Variants in DDHD1 observed in about 807,000 individuals in gnomAD.
DDHD1 encodes the protein DDHD domain containing 1.
In DDHD1, 49 loss-of-function variants were observed where a neutral mutation model predicts 96.4. The ratio of observed to expected loss-of-function variants is 0.51; its 90% CI spans 0.40 to 0.64. The LOEUF (loss-of-function observed/expected upper bound fraction) is 0.64, where lower values mean the gene tolerates loss of function less well. Ranked by LOEUF, DDHD1 falls within the 30% of genes least tolerant of loss-of-function variation. The pLI is 0.00. For synonymous variants in DDHD1, 442 were observed against 446.5 expected (o/e 0.99, Z 0.13); for missense variants, 1,106 against 1,161.2 (o/e 0.95, Z 0.69).
chr14:53,092,063 A>C (rs1162186428), intron 3 of DDHD1, 131 bp from the exon 4 acceptor site: 1 of 816,470 alleles, frequency 1.2e-6, no homozygotes, highest in African/African-American at 1.7e-5. Context: ...GGAGGAAATA[A>C]AAACTGTAAG....
chr14:53,137,126 A>G (rs150304455), intron 1 of DDHD1, among the ~76,000 whole-genome samples: 38 of 152,324 alleles, frequency 2.5e-4, no homozygotes, highest in African/African-American at 8.9e-4. Context: ...TGAAAAATAC[A>G]ATATAAAAAA....
chr14:53,066,958 C>CAA (rs34195210), intron 6 of DDHD1, among the ~76,000 whole-genome samples: 97,228 of 134,236 alleles, frequency 0.72, 37,275 homozygotes, highest in East Asian at 0.95. Flanking sequence ...GAACCTGTCT[C>CAA]AAAAAAAAAA....
chr14:53,153,320 C>T lies in DDHD1; in HGVS notation c.-222G>A, dbSNP rs916950097. ...CCATTGTCACGCAGCCCGACGTAGG[C>T]GGTGCTTCGGCCCCCGCCCCGCCCC... is the stretch of plus-strand genomic sequence containing the variant. On this transcript the variant is annotated 5_prime_UTR_variant, in exon 1 of 13. Coordinates refer to ENST00000673822, the MANE Select transcript of DDHD1 (RefSeq NM_001160148.2). 8 of 369,952 alleles carry T rather than the reference C, an allele frequency of 2.2e-5. No individual in the cohort carries two copies. The highest frequency in any genetic ancestry group is 3.8e-5 in the Non-Finnish European group (8 of 213,176). 22.9% of individuals were successfully genotyped at this position (369,952 alleles called of 1,614,324 possible). A position where few individuals can be genotyped will look rare whatever the true frequency, so the allele number is the denominator to read the frequency against.
intron 4 of DDHD1, among the ~76,000 whole-genome samples, chr14:53,091,150 C>A (rs548667977): frequency 6.6e-6 from 1 of 152,258 alleles, no homozygotes; most frequent in Admixed American, 6.5e-5. Context: ...AGCTCAGAGC[C>A]AAATTTGTGG....
rs1009476009 is a variant in DDHD1, at chr14:53,046,654, G to T, written c.*114C>A. 9 of 605,588 alleles carry T rather than the reference G, an allele frequency of 1.5e-5. No individual in the cohort carries two copies. In the Admixed American group the frequency reaches 2.1e-4, roughly 14 times the overall value. 37.5% of individuals were successfully genotyped at this position (605,588 alleles called of 1,614,324 possible). Reference sequence around the variant, plus strand: ...GTGCTTTTAAATTCAAATATATGTTGCCCTAAAGAAAACTGAAATATACTT... The same window carrying T: ...GTGCTTTTAAATTCAAATATATGTTTCCCTAAAGAAAACTGAAATATACTT... On this transcript the variant is annotated 3_prime_UTR_variant, in exon 13 of 13. Transcript: ENST00000673822.
intron 1 of DDHD1, among the ~76,000 whole-genome samples, chr14:53,118,513 A>G (rs1259858018): frequency 6.6e-6 from 1 of 152,232 alleles, no homozygotes; most frequent in Non-Finnish European, 1.5e-5. Flanking sequence ...TTCGGGACCC[A>G]TGCATAAGCT....
At chr14:53,147,123 C>T (rs1037904817) in intron 1 of DDHD1, among the ~76,000 whole-genome samples, 4 of 152,134 alleles carry the variant, frequency 2.6e-5, no homozygotes, top group African/African-American at 9.7e-5. Flanking sequence ...GTTCTCCTCC[C>T]TGACATACAC....
rs1462235331 is a variant in DDHD1, at chr14:53,152,341, T to G, written c.758A>C (p.Asn253Thr). 9 of 1,613,980 alleles carry G rather than the reference T, an allele frequency of 5.6e-6. No homozygotes were observed. The highest frequency in any genetic ancestry group is 1.1e-5 in the South Asian group (1 of 91,082). ...GCCCCGCACGCACACAGGCTCGATGTTCACAAGCTCCACCATCTCCGGCTC... is the reference window on the plus strand; with the variant it reads ...GCCCCGCACGCACACAGGCTCGATGGTCACAAGCTCCACCATCTCCGGCTC... ...GHEPEMVELV[N>T]IEPVCVRGGL... Residue 253 changes from asparagine (N) to threonine (T), a missense_variant, in exon 1 of 13, where the codon AAC becomes ACC. Physicochemically the swap from Asn to Thr is moderately conservative, Grantham distance 65. Around this residue, in one of 2 missense-constraint regions of DDHD1, gnomAD observed 456 missense variants for 402.4 expected, o/e 1.13. Coordinates refer to ENST00000673822, the MANE Select transcript of DDHD1 (RefSeq NM_001160148.2).
intron 4 of DDHD1, among the ~76,000 whole-genome samples, chr14:53,087,393 T>C (rs192000838): frequency 4.7e-4 from 72 of 152,230 alleles, no homozygotes; most frequent in African/African-American, 1.6e-3. Context: ...TATTCCAAAA[T>C]TGACCACACA....
In DDHD1 at chr14:53,073,801, G is replaced by A. The variant is rs1884729427; in HGVS notation, c.1336C>T (p.His446Tyr). The change falls in exon 5 of 13, where the codon CAT (histidine) becomes TAT (tyrosine). Residue 446 changes from histidine (H) to tyrosine (Y), a missense_variant. Coordinates refer to ENST00000673822, the MANE Select transcript of DDHD1 (RefSeq NM_001160148.2). Reference sequence around the variant, plus strand: ...GGCAGAAATTCAACATGTGTTGCATGGTTGGAAAAATGCCTTTCTTCTATT... The same window carrying A: ...GGCAGAAATTCAACATGTGTTGCATAGTTGGAAAAATGCCTTTCTTCTATT... The part of the protein sequence containing the change: ...RKIEERHFSN[H>Y]ATHVEFLPVE... 6.2e-7 allele frequency: 1 copy of A among 1,609,844 alleles called. No individual in the cohort carries two copies. The highest frequency in any genetic ancestry group is 1.7e-5 in the Admixed American group (1 of 59,724).
At chr14:53,047,004 A>G (rs1882064746) in intron 12 of DDHD1, 55 bp from the exon 13 acceptor site, 1 of 1,366,110 alleles carries the variant, frequency 7.3e-7, no homozygotes, top group African/African-American at 1.5e-5. Context: ...AATATGTTCT[A>G]TATAGACTTA....
At chr14:53,048,915 A>C (rs753328581) in intron 12 of DDHD1, 2 of 152,236 alleles carry the variant, frequency 1.3e-5, no homozygotes, top group South Asian at 4.1e-4. Context: ...ATATTGGTGA[A>C]GACCACAAAG....
At chr14:53,107,470 A>G (rs1027669160) in intron 1 of DDHD1, among the ~76,000 whole-genome samples, 3 of 152,202 alleles carry the variant, frequency 2.0e-5, no homozygotes, top group Admixed American at 2.0e-4. Flanking sequence ...ACTTCATCAC[A>G]CCAATCAGAA....
chr14:53,095,934 T>G (rs1224222362), intron 2 of DDHD1, among the ~76,000 whole-genome samples: 4 of 152,136 alleles, frequency 2.6e-5, no homozygotes, highest in African/African-American at 9.6e-5. Context: ...AACATCTGAA[T>G]ATCCTGTTAC....
At chr14:53,135,661 A>G (rs556552415) in intron 1 of DDHD1, among the ~76,000 whole-genome samples, 1 of 152,370 alleles carries the variant, frequency 6.6e-6, no homozygotes, top group East Asian at 1.9e-4. Context: ...TAGGATATGT[A>G]AGCACTGGGT....
At chr14:53,142,410 G>A (rs1474242376) in intron 1 of DDHD1, among the ~76,000 whole-genome samples, 4 of 151,546 alleles carry the variant, frequency 2.6e-5, no homozygotes, top group Admixed American at 6.6e-5. Context: ...TTCATGCTAA[G>A]GTCTCCATCA....
chr14:53,152,887 G>A lies in DDHD1; in HGVS notation c.212C>T (p.Thr71Ile), dbSNP rs1340951911. ...GEPGLHLAPG[T>I]DDHNHHLALD... The stretch of plus-strand genomic sequence containing the variant: ...CGCGAGGTGGTGGTTGTGGTCGTCG[G>A]TGCCCGGCGCCAAATGCAGCCCGGG... Residue 71 changes from threonine to isoleucine, a missense_variant, in exon 1 of 13, where the codon ACC becomes ATC. Thr to Ile is a moderately conservative substitution (Grantham distance 89). Around this residue, in one of 2 missense-constraint regions of DDHD1, gnomAD observed 456 missense variants for 402.4 expected, o/e 1.13. Transcript: ENST00000673822. The A allele has an allele frequency of 2.5e-6, 4 of 1,609,250 alleles. No individual in the cohort carries two copies. The highest frequency in any genetic ancestry group is 3.4e-6 in the Non-Finnish European group (4 of 1,178,210).
intron 2 of DDHD1, chr14:53,102,985 T>C (rs368307230): frequency 4.5e-5 from 70 of 1,540,182 alleles, no homozygotes; most frequent in Non-Finnish European, 6.0e-5. Flanking sequence ...AAGAAAAACT[T>C]CAGACAAATC....
Position 53,063,108 on chromosome 14 carries a change from A to G in DDHD1, c.1601T>C (p.Val534Ala). Reference sequence around the variant, plus strand: ...AATTACACATCCCAAGGAATGTGATACTATTGAGACTTTACCCCCTTTTTC... The same window carrying G: ...AATTACACATCCCAAGGAATGTGATGCTATTGAGACTTTACCCCCTTTTTC... ...FEEKGGKVSI[V>A]SHSLGCVITY... Residue 534 changes from valine to alanine, a missense_variant, in exon 7 of 13, where the codon GTA (valine) becomes GCA (alanine). Coordinates refer to ENST00000673822, the MANE Select transcript of DDHD1 (RefSeq NM_001160148.2). 15 of 1,614,120 alleles carry G rather than the reference A, an allele frequency of 9.3e-6. No homozygotes were observed. The highest frequency in any genetic ancestry group is 1.2e-5 in the Non-Finnish European group (14 of 1,179,996).
Sources: allele counts gnomAD v4.1 joint callset (sites outside exome capture counted in the v4.1 genomes callset), GRCh38; gene constraint gnomAD v4.1.1; regional missense constraint gnomAD v4.1.1; transcripts MANE v1.5; gene names NCBI Gene and HGNC (gene_info 2026-07-23, HGNC 2026-07-21).